Variants in CD6 observed in about 807,000 individuals in gnomAD.
CD6 encodes CD6 molecule.
A neutral mutation model predicts 75.3 loss-of-function variants in CD6; 53 were observed. That is an observed-to-expected ratio of 0.70 (90% CI 0.56 to 0.88). CD6 has a LOEUF of 0.88. CD6 is among the 40% of genes least tolerant of loss of function. CD6 has a pLI of 0.00. For synonymous variants in CD6, 359 were observed against 381.5 expected (o/e 0.94, Z 0.69); for missense variants, 770 against 897.1 (o/e 0.86, Z 1.81).
chr11:61,001,296 T>C (rs1858577927), intron 1 of CD6, among the ~76,000 whole-genome samples: 1 of 146,596 alleles, frequency 6.8e-6, no homozygotes, highest in Non-Finnish European at 1.5e-5. Context: ...CTCTGCCTCC[T>C]GGGTTCAAGC....
intron 1 of CD6, among the ~76,000 whole-genome samples, chr11:60,996,134 T>C (rs2135100388): frequency 6.6e-6 from 1 of 152,308 alleles, no homozygotes; most frequent in African/African-American, 2.4e-5. Context: ...TTAGGCAAGA[T>C]ACTAAACCGC....
intron 1 of CD6, among the ~76,000 whole-genome samples, chr11:60,981,412 G>A (rs1233706606): frequency 3.3e-5 from 5 of 152,190 alleles, no homozygotes; most frequent in Admixed American, 2.6e-4. Flanking sequence ...GACTCCTGCA[G>A]GAAAGGTCCG....
In CD6 at chr11:61,017,765, A is replaced by G; in HGVS notation, c.1589A>G (p.Glu530Gly). The G allele has an allele frequency of 6.2e-7, 1 of 1,613,958 alleles. No homozygotes were observed. Among genetic ancestry groups the G allele is most frequent in the Non-Finnish European group, 8.5e-7 (1 of 1,180,000 alleles). ...FQMPPLEEGL[E>G]ELHASHIPTA... ...TCTCCCTTTCCTGCCTTAGGACTTG[A>G]AGAGTTGCATGCCTCCCACATCCCA... The change falls in exon 11 of 13, where the codon GAA (glutamate) becomes GGA (glycine). Residue 530 changes from glutamate (E) to glycine (G), a missense_variant. Transcript: ENST00000313421.
At chr11:61,002,804 C>T (rs1337471400) in intron 1 of CD6, among the ~76,000 whole-genome samples, 1 of 152,096 alleles carries the variant, frequency 6.6e-6, no homozygotes, top group Non-Finnish European at 1.5e-5. Flanking sequence ...CAATGGAAGG[C>T]GTCACATGGC....
intron 1 of CD6, among the ~76,000 whole-genome samples, chr11:61,005,066 T>A (rs750134116): frequency 6.6e-6 from 1 of 152,192 alleles, no homozygotes; most frequent in Non-Finnish European, 1.5e-5. Context: ...GGGAGGCAAG[T>A]CCTTGGAGAC....
intron 1 of CD6, among the ~76,000 whole-genome samples, chr11:60,998,093 T>C (rs556054864): frequency 1.3e-5 from 2 of 152,298 alleles, no homozygotes; most frequent in South Asian, 4.1e-4. Context: ...GAAAACAGTA[T>C]GCTGTAGTAG....
chr11:60,997,596 C>A (rs1244735883), intron 1 of CD6, among the ~76,000 whole-genome samples: 2 of 152,014 alleles, frequency 1.3e-5, no homozygotes, highest in Non-Finnish European at 2.9e-5. Context: ...CTTTGACACA[C>A]AACCTGTACT....
Position 61,019,413 on chromosome 11 carries a change from C to A in CD6, c.*95C>A, listed in dbSNP as rs1859573735. 1.1e-6 allele frequency: 1 copy of A among 939,638 alleles called. No individual in the cohort carries two copies. The highest frequency in any genetic ancestry group is 1.6e-5 in the African/African-American group (1 of 61,070). 58.2% of individuals were successfully genotyped at this position (939,638 alleles called of 1,614,324 possible). On this transcript the variant is annotated 3_prime_UTR_variant, in exon 13 of 13. Transcript: ENST00000313421. ...CCTTTCCCACCCTCCCAGCTCACCT[C>A]CCCATGGAGCTGAGAGGCCTCCCTT...
chr11:60,993,004 C>T (rs1858129904), intron 1 of CD6, among the ~76,000 whole-genome samples: 1 of 152,106 alleles, frequency 6.6e-6, no homozygotes, highest in Non-Finnish European at 1.5e-5. Flanking sequence ...CAAATCCCTA[C>T]TCTTATCCCT....
chr11:60,979,688 G>C (rs1207802802), intron 1 of CD6, among the ~76,000 whole-genome samples: 1 of 152,044 alleles, frequency 6.6e-6, no homozygotes, highest in Non-Finnish European at 1.5e-5. Context: ...GGCTGGTCTT[G>C]AATTCCTGAC....
intron 1 of CD6, among the ~76,000 whole-genome samples, chr11:61,005,643 T>C (rs1858812220): frequency 6.6e-6 from 1 of 152,130 alleles, no homozygotes; most frequent in Non-Finnish European, 1.5e-5. Context: ...TGAAAGTAAA[T>C]GGAATAGGCT....
chr11:61,013,273 A>T, intron 6 of CD6, 150 bp from the exon 7 acceptor site: 1 of 852,254 alleles, frequency 1.2e-6, no homozygotes, highest in East Asian at 2.4e-5. Context: ...TACACCACAC[A>T]CTTAAAAGCA....
At chr11:61,017,386 C>T in intron 9 of CD6, 93 bp from the exon 10 acceptor site, 1 of 979,584 alleles carries the variant, frequency 1.0e-6, no homozygotes, top group Non-Finnish European at 1.6e-6. Flanking sequence ...CCTATTCAGC[C>T]TACCCAGGCC....
chr11:61,006,423 C>A, intron 1 of CD6, 151 bp from the exon 2 acceptor site: 1 of 611,270 alleles, frequency 1.6e-6, no homozygotes, highest in Non-Finnish European at 2.9e-6. Flanking sequence ...TGAAGGGAGG[C>A]CAATGCACCC....
At chr11:61,012,356 C>A (rs2237999) in intron 6 of CD6, among the ~76,000 whole-genome samples, 80,542 of 152,070 alleles carry the variant, frequency 0.53, 22,011 homozygotes, top group East Asian at 0.75. Context: ...CCCTCGGCCA[C>A]GGCCCTCTGT....
intron 1 of CD6, among the ~76,000 whole-genome samples, chr11:60,981,095 G>T (rs1389124275): frequency 6.6e-6 from 1 of 152,144 alleles, no homozygotes; most frequent in African/African-American, 2.4e-5. Context: ...CCCACGGAAG[G>T]TGCGCCACAA....
At chr11:60,972,333 G>A (rs1161753699) in intron 1 of CD6, among the ~76,000 whole-genome samples, 1 of 152,230 alleles carries the variant, frequency 6.6e-6, no homozygotes, top group African/African-American at 2.4e-5. Context: ...GGGTCCAGCA[G>A]GCGTAGGCCA....
Position 61,009,621 on chromosome 11 carries a change from G to A in CD6, c.831G>A (p.Gln277=). 29 of 1,613,474 alleles carry A rather than the reference G, an allele frequency of 1.8e-5. No individual in the cohort carries two copies. The highest frequency in any genetic ancestry group is 2.5e-5 in the Non-Finnish European group (29 of 1,179,882). Residue 277 remains glutamine (Q), a synonymous_variant, in exon 5 of 13, where the codon CAG becomes CAA. Transcript: ENST00000313421. ...GGGGCGCTGACCGCTGCGAGGGGCA[G>A]GTGGAGGTACACTTCCGAGGGGTCT... The part of the protein sequence containing the change: ...LTGGADRCEG[Q]VEVHFRGVWN...
chr11:61,007,557 C>T lies in CD6; in HGVS notation c.119-3C>T, dbSNP rs1253551443. 8.1e-6 allele frequency: 12 copies of T among 1,490,646 alleles called. No individual in the cohort carries two copies. Among genetic ancestry groups the T allele is most frequent in the Non-Finnish European group, 1.1e-5 (12 of 1,119,486 alleles). 92.3% of individuals were successfully genotyped at this position (1,490,646 alleles called of 1,614,324 possible). On this transcript the variant is annotated splice_polypyrimidine_tract_variant and splice_region_variant and intron_variant, in intron 2 of 12. Transcript: ENST00000313421. This position sits in a 1 kb window ranked among gnomAD's most constrained non-coding sequence, Gnocchi z 4.2. ...TCTCAGCTCTCTGGTCTGACACTTC[C>T]AGGGGAGCGGCTTCCGGTCCGTCTG...
Sources: allele counts gnomAD v4.1 joint callset (sites outside exome capture counted in the v4.1 genomes callset), GRCh38; gene constraint gnomAD v4.1.1; non-coding constraint Gnocchi (gnomAD v3.1); transcripts MANE v1.5; gene names NCBI Gene and HGNC (gene_info 2026-07-23, HGNC 2026-07-21).